Variants in CSMD2 observed in about 807,000 individuals in gnomAD.
CSMD2 encodes the protein CUB and Sushi multiple domains 2, also known as CUB and sushi domain-containing protein 2.
CSMD2 carries 130 observed loss-of-function variants against 398.5 expected under a neutral mutation model. The ratio of observed to expected loss-of-function variants is 0.33; its 90% CI spans 0.28 to 0.38. The LOEUF (loss-of-function observed/expected upper bound fraction) is 0.38, where lower values mean the gene tolerates loss of function less well. CSMD2 is among the 10% of genes least tolerant of loss of function. The pLI is 1.00. For missense variants in CSMD2, 3,829 were observed against 4,764.9 expected, an observed-to-expected ratio of 0.80 and a Z score of 5.78; for synonymous variants, 1,828 against 1,908.5, an observed-to-expected ratio of 0.96 and a Z score of 1.10.
intron 25 of CSMD2, among the ~76,000 whole-genome samples, chr1:33,664,645 T>C (rs1207275628): frequency 6.6e-6 from 1 of 151,754 alleles, no homozygotes; most frequent in Non-Finnish European, 1.5e-5. Context: ...TTACTAAAAA[T>C]ACAAAAAATT....
intron 50 of CSMD2, 109 bp downstream of exon 50, chr1:33,572,397 T>C: frequency 9.9e-6 from 10 of 1,008,246 alleles, no homozygotes; most frequent in Non-Finnish European, 1.4e-5. Context: ...CCATGTTTTT[T>C]TTTTTTTTTC....
chr1:33,838,170 C>T (rs765842058), intron 6 of CSMD2, among the ~76,000 whole-genome samples: 1 of 152,172 alleles, frequency 6.6e-6, no homozygotes, highest in Non-Finnish European at 1.5e-5. Context: ...TAGATCATTC[C>T]CCTTGCCCTG....
At position 34,064,464 on chromosome 1, in the gene CSMD2, C is replaced by T. The variant is rs112481977; in HGVS notation, c.404+24513G>A. 7.0e-4 allele frequency among the ~76,000 whole-genome samples: 107 copies of T among 152,226 alleles called. 1 individual carries two copies. Among genetic ancestry groups the T allele is most frequent in the Admixed American group, 1.7e-3 (26 of 15,290 alleles). Reference sequence around the variant, plus strand: ...AGGGCGGGGGCAAAATGTCACCAGTCTCTTTACTAAAACATAACAAGAGTC... The same window carrying T: ...AGGGCGGGGGCAAAATGTCACCAGTTTCTTTACTAAAACATAACAAGAGTC... On this transcript the variant is annotated intron_variant, in intron 2 of 70. Transcript: ENST00000373381.
Position 33,611,219 on chromosome 1 carries a change from G to A in CSMD2, c.6165C>T (p.Thr2055=), listed in dbSNP as rs150715399. 671 of 1,613,942 alleles carry A rather than the reference G, an allele frequency of 4.2e-4. 1 individual carries two copies. The highest frequency in any genetic ancestry group is 5.4e-4 in the Non-Finnish European group (633 of 1,180,018). ...GAHIQFLNFS[T]EPNHDYIEIR... ...TTTCTATGTAGTCGTGGTTGGGCTC[G>A]GTGGAGAAGTTCAGGAACTGGATGT... The change falls in exon 41 of 71, where the codon ACC becomes ACT. Residue 2055 remains threonine (T), a synonymous_variant. Transcript: ENST00000373381.
chr1:34,107,602 A>G (rs1174354665), intron 1 of CSMD2, among the ~76,000 whole-genome samples: 1 of 152,172 alleles, frequency 6.6e-6, no homozygotes, highest in Non-Finnish European at 1.5e-5. Context: ...CTTCTTAACC[A>G]CTACTCTATC....
In CSMD2 at chr1:33,609,010, C is replaced by G. The variant is rs112093395; in HGVS notation, c.6343+2031G>C. ...TCACGGCCATCCGACGCGTCATGACCTGTTTGACAGGTACACACCTCCCAG... is the reference window on the plus strand; with the variant it reads ...TCACGGCCATCCGACGCGTCATGACGTGTTTGACAGGTACACACCTCCCAG... On this transcript the variant is annotated intron_variant, in intron 41 of 70. Coordinates refer to ENST00000373381, the MANE Select transcript of CSMD2 (RefSeq NM_001281956.2). Among the ~76,000 whole-genome samples, 21 of 152,336 alleles carry G rather than the reference C, an allele frequency of 1.4e-4. 1 individual carries two copies. Among genetic ancestry groups the G allele is most frequent in the African/African-American group, 4.8e-4 (20 of 41,576 alleles).
In CSMD2 at chr1:33,624,389, C is replaced by T. The variant is rs1268877866; in HGVS notation, c.5625+130G>A. 6 of 1,186,572 alleles carry T rather than the reference C, an allele frequency of 5.1e-6. No individual in the cohort carries two copies. The highest frequency in any genetic ancestry group is 6.0e-6 in the Non-Finnish European group (5 of 839,512). 73.5% of individuals were successfully genotyped at this position (1,186,572 alleles called of 1,614,324 possible). On this transcript the variant is annotated intron_variant, in intron 35 of 70. Coordinates refer to ENST00000373381, the MANE Select transcript of CSMD2 (RefSeq NM_001281956.2). This position sits in a 1 kb window ranked among gnomAD's most constrained non-coding sequence, Gnocchi z 4.7. ...CTTAGCCGCAGGGGCAGGTACAGGGCTGATATGTCTCTTCCTGGCTCACCC... is the reference window on the plus strand; with the variant it reads ...CTTAGCCGCAGGGGCAGGTACAGGGTTGATATGTCTCTTCCTGGCTCACCC...
chr1:33,976,157 G>C (rs1018045036), intron 3 of CSMD2, among the ~76,000 whole-genome samples: 1 of 152,228 alleles, frequency 6.6e-6, no homozygotes, highest in South Asian at 2.1e-4. Flanking sequence ...GCTAGCTCAG[G>C]ATGTGGATGG....
chr1:33,541,516 G>T (rs1337116031), intron 58 of CSMD2, among the ~76,000 whole-genome samples: 1 of 152,092 alleles, frequency 6.6e-6, no homozygotes, highest in African/African-American at 2.4e-5. Context: ...ACCCAGGCTG[G>T]AGTGCAGAGG....
In CSMD2 at chr1:33,586,137, C is replaced by T. The variant is rs113817699; in HGVS notation, c.7051+367G>A. Among the ~76,000 whole-genome samples the T allele has an allele frequency of 7.8e-4, 119 of 152,308 alleles. 1 individual carries two copies. The highest frequency in any genetic ancestry group is 3.3e-3 in the South Asian group (16 of 4,830). ...GCACACAGCACCTTGAGTGCATCCG[C>T]GCATCAGTAAAGCAGGGATGGTGTG... On this transcript the variant is annotated intron_variant, in intron 46 of 70. Transcript: ENST00000373381.
chr1:33,606,088 A>C, intron 41 of CSMD2: 4 of 1,474,220 alleles, frequency 2.7e-6, no homozygotes, highest in Non-Finnish European at 3.6e-6. Context: ...AGCTGTTTCC[A>C]TGAGAGTGGG....
chr1:33,768,536 ATGTGTGTGTGTGTG>A (rs60273744), intron 13 of CSMD2, among the ~76,000 whole-genome samples: 51 of 142,240 alleles, frequency 3.6e-4, no homozygotes, highest in Middle Eastern at 3.5e-3. Context: ...GTGTGCGTGC[ATGTGTGTGTGTGTG>A]TGTGTGTGTG....
chr1:34,149,370 G>A (rs1482782398), intron 1 of CSMD2, among the ~76,000 whole-genome samples: 2 of 152,098 alleles, frequency 1.3e-5, no homozygotes, highest in Non-Finnish European at 2.9e-5. Context: ...CGGCTGGCTG[G>A]CCTCACCTCA....
intron 2 of CSMD2, among the ~76,000 whole-genome samples, chr1:34,077,182 T>G (rs1341902626): frequency 2.0e-5 from 3 of 151,292 alleles, no homozygotes; most frequent in African/African-American, 7.3e-5. Flanking sequence ...GCCTTAAAAA[T>G]GCAGTGAGGT....
intron 27 of CSMD2, among the ~76,000 whole-genome samples, chr1:33,652,980 A>T (rs1643844068): frequency 6.6e-6 from 1 of 151,984 alleles, no homozygotes; most frequent in Non-Finnish European, 1.5e-5. Flanking sequence ...GATGGTCTTG[A>T]TCTCCTGACC....
At chr1:34,010,036 C>T (rs1041654021) in intron 3 of CSMD2, among the ~76,000 whole-genome samples, 4 of 152,148 alleles carry the variant, frequency 2.6e-5, no homozygotes, top group Non-Finnish European at 5.9e-5. Context: ...TTCTAAGAGC[C>T]CTTCAGTGGC....
chr1:33,617,654 C>T (rs1641483049), intron 37 of CSMD2, 37 bp from the exon 38 acceptor site: 3 of 1,538,642 alleles, frequency 1.9e-6, no homozygotes, highest in Non-Finnish European at 2.7e-6. Context: ...GGAGAATGGA[C>T]TAGCCCAGCA....
At chr1:34,004,457 GTTTTTT>G (rs34932774) in intron 3 of CSMD2, among the ~76,000 whole-genome samples, 3 of 151,590 alleles carry the variant, frequency 2.0e-5, no homozygotes, top group African/African-American at 7.3e-5. Context: ...AGTAATCAAG[GTTTTTT>G]TTTGTTTGTT....
intron 3 of CSMD2, among the ~76,000 whole-genome samples, chr1:34,006,216 G>T (rs1020511835): frequency 4.6e-5 from 7 of 152,174 alleles, no homozygotes; most frequent in African/African-American, 1.7e-4. Context: ...GAGAACCTTT[G>T]AGACAGTCCT....
Sources: gnomAD v4.1 joint callset for allele counts (sites outside exome capture counted in the v4.1 genomes callset) on GRCh38, gnomAD v4.1.1 for gene constraint, Gnocchi (gnomAD v3.1) non-coding constraint, MANE v1.5 for transcripts, NCBI Gene and HGNC (gene_info 2026-07-23, HGNC 2026-07-21) for gene names.